GHR: variants seen among roughly 807,000 people sequenced by gnomAD.
GHR encodes GH receptor.
GHR carries 35 observed loss-of-function variants against 67.1 expected under a neutral mutation model. The ratio of observed to expected loss-of-function variants is 0.52; its 90% CI spans 0.40 to 0.69. GHR has a LOEUF of 0.69. Ranked by LOEUF, GHR falls within the 30% of genes least tolerant of loss-of-function variation. GHR has a pLI of 0.00. For synonymous variants in GHR, 272 were observed against 269.1 expected (o/e 1.01, Z -0.10); for missense variants, 792 against 764.6 (o/e 1.04, Z -0.42).
chr5:42,538,373 A>G (rs1748354556), intron 1 of GHR, among the ~76,000 whole-genome samples: 1 of 152,346 alleles, frequency 6.6e-6, no homozygotes, highest in South Asian at 2.1e-4. Flanking sequence ...CTGGCTTGGC[A>G]GGGGCCAATT....
chr5:42,713,176 A>AT (rs1758553519), intron 7 of GHR, among the ~76,000 whole-genome samples: 1 of 152,082 alleles, frequency 6.6e-6, no homozygotes, highest in Admixed American at 6.6e-5. Flanking sequence ...ACACACATTG[A>AT]TTTTGAACTA....
chr5:42,563,575 G>A (rs1252372206), intron 1 of GHR, among the ~76,000 whole-genome samples: 1 of 135,828 alleles, frequency 7.4e-6, no homozygotes, highest in Non-Finnish European at 1.5e-5. Flanking sequence ...CCGAGATTGC[G>A]CCACTGCAGT....
intron 1 of GHR, among the ~76,000 whole-genome samples, chr5:42,471,546 T>C (rs919934700): frequency 1.3e-5 from 2 of 152,224 alleles, no homozygotes; most frequent in African/African-American, 4.8e-5. Context: ...TTAACACACA[T>C]AGAAAAGTCA....
chr5:42,644,090 T>C (rs932655794), intron 3 of GHR, among the ~76,000 whole-genome samples: 3 of 151,930 alleles, frequency 2.0e-5, no homozygotes, highest in Admixed American at 2.0e-4. Context: ...ACATAATAGA[T>C]TTAAGCAAGA....
intron 2 of GHR, among the ~76,000 whole-genome samples, chr5:42,627,511 A>G (rs1753762300): frequency 6.6e-6 from 1 of 152,218 alleles, no homozygotes. Context: ...TCAAACTGTA[A>G]AATATTTTAA....
chr5:42,620,677 G>A (rs1428433253), intron 2 of GHR, among the ~76,000 whole-genome samples: 1 of 152,094 alleles, frequency 6.6e-6, no homozygotes, highest in Admixed American at 6.6e-5. Flanking sequence ...TTTTTTTGGT[G>A]TAAATATACC....
chr5:42,437,539 A>G (rs1436720295), intron 1 of GHR, among the ~76,000 whole-genome samples: 1 of 145,954 alleles, frequency 6.9e-6, no homozygotes, highest in Non-Finnish European at 1.5e-5. Context: ...ATATTTATTT[A>G]TTTATTTATT....
At chr5:42,565,583 G>A in intron 1 of GHR, 1 of 985,432 alleles carries the variant, frequency 1.0e-6, no homozygotes, top group Non-Finnish European at 1.2e-6. Flanking sequence ...CGTTTGCTGT[G>A]AGGTGTTTCT....
chr5:42,426,764 A>G (rs1742869253), intron 1 of GHR, among the ~76,000 whole-genome samples: 2 of 152,202 alleles, frequency 1.3e-5, no homozygotes, highest in African/African-American at 4.8e-5. Context: ...TCTTTCTGGC[A>G]AGTAATTTTT....
At position 42,694,958 on chromosome 5, in the gene GHR, A is replaced by T; in HGVS notation, c.308A>T (p.Asp103Val). The change falls in exon 5 of 10, where the codon GAT becomes GTT. Residue 103 changes from aspartate to valine, a missense_variant. Transcript: ENST00000230882. ...ACTCAAGAATGGAAAGAATGCCCTG[A>T]TTATGTTTCTGCTGGGGAAAACAGC... ...EWTQEWKECP[D>V]YVSAGENSCY... 2 of 1,611,758 alleles carry T rather than the reference A, an allele frequency of 1.2e-6. No individual in the cohort carries two copies. The highest frequency in any genetic ancestry group is 1.7e-6 in the Non-Finnish European group (2 of 1,178,348).
At chr5:42,600,636 G>T (rs1752325877) in intron 2 of GHR, among the ~76,000 whole-genome samples, 1 of 152,190 alleles carries the variant, frequency 6.6e-6, no homozygotes, top group Non-Finnish European at 1.5e-5. Context: ...AGTGATCACA[G>T]TCAGCAGCTA....
At chr5:42,677,392 AC>A (rs1242817138) in intron 3 of GHR, among the ~76,000 whole-genome samples, 1 of 152,200 alleles carries the variant, frequency 6.6e-6, no homozygotes, top group African/African-American at 2.4e-5. Flanking sequence ...GAGTGTCATC[AC>A]AGAATTGCAG....
At chr5:42,426,332 T>A (rs1742852967) in intron 1 of GHR, among the ~76,000 whole-genome samples, 1 of 152,174 alleles carries the variant, frequency 6.6e-6, no homozygotes, top group African/African-American at 2.4e-5. Context: ...TGGTGAGCAA[T>A]GTTAATGTAA....
At chr5:42,514,371 C>G in intron 1 of GHR, 3 of 966,796 alleles carry the variant, frequency 3.1e-6, no homozygotes, top group Non-Finnish European at 3.7e-6. Flanking sequence ...CCAGGTCTCT[C>G]TTCTGTCCTA....
At chr5:42,513,079 G>A (rs994585722) in intron 1 of GHR, among the ~76,000 whole-genome samples, 2 of 152,172 alleles carry the variant, frequency 1.3e-5, no homozygotes, top group African/African-American at 4.8e-5. Context: ...TCCCAGCTCT[G>A]CCATTGACAG....
At chr5:42,548,113 C>T in intron 1 of GHR, 1 of 985,350 alleles carries the variant, frequency 1.0e-6, no homozygotes, top group Non-Finnish European at 1.2e-6. Context: ...GCCTGGCCTT[C>T]AGTTCAGCAG....
chr5:42,578,771 G>T (rs1429379274), intron 2 of GHR, among the ~76,000 whole-genome samples: 1 of 152,042 alleles, frequency 6.6e-6, no homozygotes, highest in African/African-American at 2.4e-5. Context: ...AAATCTAAAT[G>T]AGCAACTTAA....
At chr5:42,626,624 T>C (rs1355391282) in intron 2 of GHR, among the ~76,000 whole-genome samples, 1 of 152,150 alleles carries the variant, frequency 6.6e-6, no homozygotes, top group East Asian at 1.9e-4. Flanking sequence ...AATCAACTCT[T>C]GGTCTTTCCT....
rs1322514507 is a variant in GHR at position 42,465,515 on chromosome 5, G to A, written c.-12+41560G>A. 8 of 1,546,378 alleles carry A rather than the reference G, an allele frequency of 5.2e-6. No homozygotes were observed. In the Admixed American group the frequency reaches 1.3e-4, roughly 26 times the overall value. On this transcript the variant is annotated intron_variant, in intron 1 of 9. Coordinates refer to ENST00000230882, the MANE Select transcript of GHR (RefSeq NM_000163.5). ...CTCCTTATTTTCAGTGTCTGCCACT[G>A]GATGATGTTCTTCACCTTCAGGTGT...
Sources: gnomAD v4.1 joint callset for allele counts (sites outside exome capture counted in the v4.1 genomes callset) on GRCh38, gnomAD v4.1.1 for gene constraint, MANE v1.5 for transcripts, NCBI Gene and HGNC (gene_info 2026-07-23, HGNC 2026-07-21) for gene names.